The following RAB3GAP1 variants were observed in gnomAD, a reference collection of about 807,000 sequenced individuals.
RAB3GAP1 encodes rab3 GTPase-activating protein catalytic subunit.
In RAB3GAP1, 86 loss-of-function variants were observed where a neutral mutation model predicts 130.7. That is an observed-to-expected ratio of 0.66 (90% CI 0.55 to 0.79). The LOEUF (loss-of-function observed/expected upper bound fraction) is 0.79, where lower values mean the gene tolerates loss of function less well. Ranked by LOEUF, RAB3GAP1 falls within the 30% of genes least tolerant of loss-of-function variation. The pLI is 0.00. For missense variants in RAB3GAP1, 1,029 were observed against 1,169.4 expected, an observed-to-expected ratio of 0.88 and a Z score of 1.75; for synonymous variants, 367 against 401.7, an observed-to-expected ratio of 0.91 and a Z score of 1.03.
chr2:135,110,628 A>C (rs944372828), intron 5 of RAB3GAP1, among the ~76,000 whole-genome samples: 1 of 152,166 alleles, frequency 6.6e-6, no homozygotes, highest in South Asian at 2.1e-4. Flanking sequence ...TGTGTACAGT[A>C]AGGAGGTTAG....
At chr2:135,072,459 G>A (rs1689502885) in intron 3 of RAB3GAP1, among the ~76,000 whole-genome samples, 1 of 152,194 alleles carries the variant, frequency 6.6e-6, no homozygotes, top group Non-Finnish European at 1.5e-5. Flanking sequence ...GTCCTTATTG[G>A]AAGCCCATTT....
chr2:135,123,289 A>G (rs1691255448), intron 8 of RAB3GAP1, among the ~76,000 whole-genome samples: 1 of 152,206 alleles, frequency 6.6e-6, no homozygotes, highest in Admixed American at 6.5e-5. Context: ...CTCACTTGTA[A>G]CAATGCTAGT....
At chr2:135,159,914 A>G (rs754668915) in intron 19 of RAB3GAP1, among the ~76,000 whole-genome samples, 2 of 152,252 alleles carry the variant, frequency 1.3e-5, no homozygotes, top group African/African-American at 2.4e-5. Flanking sequence ...CGTTCCATTT[A>G]TATGAAAGGA....
intron 3 of RAB3GAP1, among the ~76,000 whole-genome samples, chr2:135,076,152 C>T (rs1476733991): frequency 1.3e-5 from 2 of 152,090 alleles, no homozygotes; most frequent in African/African-American, 2.4e-5. Flanking sequence ...CTGCTGATCA[C>T]CCGCCTCAGC....
chr2:135,061,022 T>A (rs1015894407), intron 3 of RAB3GAP1, among the ~76,000 whole-genome samples: 9 of 149,682 alleles, frequency 6.0e-5, no homozygotes, highest in African/African-American at 7.5e-5. Context: ...TTTTTTTTTT[T>A]AAATAAACAT....
chr2:135,058,500 T>TA (rs1363986129), intron 3 of RAB3GAP1: 3 of 158,454 alleles, frequency 1.9e-5, no homozygotes, highest in African/African-American at 7.2e-5. Flanking sequence ...TTCTAGTACT[T>TA]ACCATTGACT....
At chr2:135,125,990 GATGA>G (rs1402420061) in intron 9 of RAB3GAP1, among the ~76,000 whole-genome samples, 187 bp from the exon 10 acceptor site, 1 of 152,130 alleles carries the variant, frequency 6.6e-6, no homozygotes, top group African/African-American at 2.4e-5. Context: ...TGTATAATGA[GATGA>G]ATGTTTGCAA....
Position 135,150,376 on chromosome 2 carries a change from C to A in RAB3GAP1, c.1931C>A (p.Ala644Glu). ...PLYIPVTQEP[A>E]PMTEDLLEEQ... The stretch of plus-strand genomic sequence containing the variant: ...TCCTTTTGTGCTTCACAGGAACCAG[C>A]ACCTATGACAGAAGATCTGCTAGAA... Residue 644 changes from alanine to glutamate, a missense_variant, in exon 18 of 24, where the codon GCA (alanine) becomes GAA (glutamate). By Grantham distance (107) the Ala-to-Glu change is moderately radical (BLOSUM62 -1). Around this residue, in one of 3 missense-constraint regions of RAB3GAP1, gnomAD observed 373 missense variants for 493.6 expected, o/e 0.76. Transcript: ENST00000264158. The A allele has an allele frequency of 6.2e-7, 1 of 1,614,148 alleles. No homozygotes were observed. The highest frequency in any genetic ancestry group is 8.5e-7 in the Non-Finnish European group (1 of 1,180,022).
At chr2:135,074,080 A>T (rs752556504) in intron 3 of RAB3GAP1, among the ~76,000 whole-genome samples, 6 of 152,204 alleles carry the variant, frequency 3.9e-5, no homozygotes, top group Non-Finnish European at 7.3e-5. Context: ...TAGTCTAGGT[A>T]CGAATTGTGC....
chr2:135,150,747 T>C (rs1248006756), intron 18 of RAB3GAP1, among the ~76,000 whole-genome samples: 2 of 152,222 alleles, frequency 1.3e-5, no homozygotes, highest in Non-Finnish European at 2.9e-5. Flanking sequence ...TAGAATCATT[T>C]CTATATGTGA....
At position 135,133,936 on chromosome 2, in the gene RAB3GAP1, A is replaced by T. The variant is rs1169100338; in HGVS notation, c.1402A>T (p.Asn468Tyr). The T allele has an allele frequency of 1.9e-6, 3 of 1,613,936 alleles. No homozygotes were observed. Among genetic ancestry groups the T allele is most frequent in the Non-Finnish European group, 2.5e-6 (3 of 1,179,836 alleles). ...ACTGGCTTTGTGTCTCTGTATGATC[A>T]ATTTTTACCATGGAGGGTTGAAAGG... is the stretch of plus-strand genomic sequence containing the variant. ...YKLALCLCMINFYHGGLKGVA... is the reference protein window; with the variant it reads ...YKLALCLCMIYFYHGGLKGVA... The change falls in exon 15 of 24, where the codon AAT becomes TAT. Residue 468 changes from asparagine to tyrosine, a missense_variant. Asn to Tyr is a moderately radical substitution (Grantham distance 143, BLOSUM62 -2). Coordinates refer to ENST00000264158, the MANE Select transcript of RAB3GAP1 (RefSeq NM_012233.3).
At chr2:135,114,035 C>T (rs1690898098) in intron 6 of RAB3GAP1, among the ~76,000 whole-genome samples, 3 of 152,142 alleles carry the variant, frequency 2.0e-5, no homozygotes, top group South Asian at 2.1e-4. Flanking sequence ...TAGGTGTAAG[C>T]GACTGTGCCC....
intron 4 of RAB3GAP1, 97 bp downstream of exon 4, chr2:135,091,227 T>C (rs1189447031): frequency 5.8e-6 from 7 of 1,203,410 alleles, no homozygotes; most frequent in South Asian, 5.6e-5. Context: ...TGTCAGTTTC[T>C]CTGGAACTGT....
At chr2:135,147,759 C>T (rs931029744) in intron 17 of RAB3GAP1, among the ~76,000 whole-genome samples, 5 of 151,862 alleles carry the variant, frequency 3.3e-5, no homozygotes, top group Admixed American at 6.6e-5. Context: ...ATTATTGGCG[C>T]CCACGACCAT....
chr2:135,128,819 G>C (rs2104940459), intron 11 of RAB3GAP1, among the ~76,000 whole-genome samples: 1 of 152,276 alleles, frequency 6.6e-6, no homozygotes, highest in East Asian at 1.9e-4. Context: ...AAACATTGTA[G>C]CTGTTCAGAA....
intron 7 of RAB3GAP1, among the ~76,000 whole-genome samples, chr2:135,119,093 TCC>T (rs1558785509): frequency 1.1e-5 from 1 of 95,036 alleles, no homozygotes; most frequent in Non-Finnish European, 2.1e-5. Context: ...CCTCCCTCCC[TCC>T]CTTCCTTCCT....
In RAB3GAP1 at chr2:135,117,591, T is replaced by TCTGCTTCTTCTTCTG. The variant is rs1558784426; in HGVS notation, c.648+2215_648+2216insTCTTCTTCTGCTGCT. On this transcript the variant is annotated intron_variant, in intron 7 of 23. Transcript: ENST00000264158. ...TTCTGCTTCTTCTTCTGCTTCTTCT[T>TCTGCTTCTTCTTCTG]CTGCTGCTTCTTCTGCTTCTTCTGC... Among the ~76,000 whole-genome samples the TCTGCTTCTTCTTCTG allele has an allele frequency of 5.5e-4, 32 of 58,418 alleles. 1 individual carries two copies. The Admixed American group carries it at 5.9e-3, about 11-fold the overall frequency. The allele number at this position is 58,418 out of a possible 152,430, so 38.3% of individuals were successfully genotyped here. A position where few individuals can be genotyped will look rare whatever the true frequency, so the allele number is the denominator to read the frequency against.
chr2:135,156,718 A>G (rs1210048667), intron 19 of RAB3GAP1, among the ~76,000 whole-genome samples: 1 of 152,204 alleles, frequency 6.6e-6, no homozygotes, highest in African/African-American at 2.4e-5. Flanking sequence ...AAGGTCAGGA[A>G]CAAAGCAAGG....
intron 7 of RAB3GAP1, among the ~76,000 whole-genome samples, chr2:135,118,266 A>C (rs1300475456): frequency 6.6e-6 from 1 of 151,934 alleles, no homozygotes; most frequent in Admixed American, 6.6e-5. Flanking sequence ...TTGGCTATTT[A>C]TTAGCAGTAG....
Sources: allele counts gnomAD v4.1 joint callset (sites outside exome capture counted in the v4.1 genomes callset), GRCh38; gene constraint gnomAD v4.1.1; regional missense constraint gnomAD v4.1.1; transcripts MANE v1.5; gene names NCBI Gene and HGNC (gene_info 2026-07-23, HGNC 2026-07-21).